Variants in MTURN observed in about 807,000 individuals in gnomAD.
The protein encoded by MTURN is maturin, neural progenitor differentiation regulator homolog, also known as maturin.
A neutral mutation model predicts 14.9 loss-of-function variants in MTURN; 7 were observed. The ratio of observed to expected loss-of-function variants is 0.47; its 90% CI spans 0.27 to 0.88. The LOEUF (loss-of-function observed/expected upper bound fraction) is 0.88, where lower values mean the gene tolerates loss of function less well. Among genes scored for constraint, MTURN ranks in the 40% least tolerant of loss-of-function variants. The pLI is 0.14. For missense variants in MTURN, 151 were observed against 174.1 expected (o/e 0.87, Z 0.75); for synonymous variants, 69 against 72.5 (o/e 0.95, Z 0.25).
chr7:30,148,713 C>G (rs1797163522), intron 2 of MTURN, among the ~76,000 whole-genome samples: 1 of 146,208 alleles, frequency 6.8e-6, no homozygotes, highest in Non-Finnish European at 1.5e-5. Context: ...CCCTGAGTTT[C>G]TTGCCCAAGC....
rs2128035583 is a variant in MTURN at position 30,161,678 on chromosome 7, T to G, written c.*4130T>G. On this transcript the variant is annotated 3_prime_UTR_variant, in exon 3 of 3. Coordinates refer to ENST00000324453, the MANE Select transcript of MTURN (RefSeq NM_152793.3). ...TTCAAGGTTGTAGAAAGAGCACAATTAATGCTTAAGCGATCACAGACCCCT... is the reference window on the plus strand; with the variant it reads ...TTCAAGGTTGTAGAAAGAGCACAATGAATGCTTAAGCGATCACAGACCCCT... The G allele has an allele frequency of 6.6e-6, 1 of 152,316 alleles. No homozygotes were observed. The highest frequency in any genetic ancestry group is 6.5e-5 in the Admixed American group (1 of 15,300). 9.4% of individuals were successfully genotyped at this position (152,316 alleles called of 1,614,324 possible). A position where few individuals can be genotyped will look rare whatever the true frequency, so the allele number is the denominator to read the frequency against.
Position 30,135,126 on chromosome 7 carries a change from G to A in MTURN, c.-11G>A. ...GGGCGGGCGGCGGCGGGAGGCGGGC[G>A]CGGGGCCGCGATGGATTTCCAGCAG... On this transcript the variant is annotated 5_prime_UTR_variant, in exon 1 of 3. Coordinates refer to ENST00000324453, the MANE Select transcript of MTURN (RefSeq NM_152793.3). The A allele has an allele frequency of 7.0e-7, 1 of 1,432,206 alleles. No homozygotes were observed. 88.7% of individuals were successfully genotyped at this position (1,432,206 alleles called of 1,614,324 possible).
intron 1 of MTURN, among the ~76,000 whole-genome samples, chr7:30,136,017 C>G (rs1448875867): frequency 0.048 from 2 of 42 alleles, no homozygotes; most frequent in African/African-American, 0.083. Context: ...CGCGCACACT[C>G]ACGCGCACAC....
chr7:30,150,723 C>T (rs1293584975), intron 2 of MTURN, among the ~76,000 whole-genome samples: 7 of 152,184 alleles, frequency 4.6e-5, no homozygotes, highest in African/African-American at 1.7e-4. Flanking sequence ...CGGACCTAGA[C>T]GTGCTCAGAG....
chr7:30,157,406 AC>A, intron 2 of MTURN, 31 bp from the exon 3 acceptor site: 1 of 1,529,258 alleles, frequency 6.5e-7, no homozygotes, highest in Non-Finnish European at 8.8e-7. Context: ...TTTGGCGCTC[AC>A]AGCTGCTTTT....
chr7:30,156,475 G>A (rs1797289273), intron 2 of MTURN, among the ~76,000 whole-genome samples: 1 of 151,520 alleles, frequency 6.6e-6, no homozygotes, highest in African/African-American at 2.4e-5. Flanking sequence ...GACCAGCTTG[G>A]GCAACATACT....
In MTURN at chr7:30,162,030, T is replaced by C. The variant is rs1004459764; in HGVS notation, c.*4482T>C. 1 of 151,922 alleles carries C rather than the reference T, an allele frequency of 6.6e-6. No homozygotes were observed. The highest frequency in any genetic ancestry group is 1.5e-5 in the Non-Finnish European group (1 of 67,964). 9.4% of individuals were successfully genotyped at this position (151,922 alleles called of 1,614,324 possible). ...CATAATATGTTGTCTTTTATATTTT[T>C]ATTTAAATCTGGATTACGAAAATAT... On this transcript the variant is annotated 3_prime_UTR_variant, in exon 3 of 3. Transcript: ENST00000324453.
At chr7:30,143,780 G>T (rs2128031191) in intron 1 of MTURN, among the ~76,000 whole-genome samples, 1 of 152,318 alleles carries the variant, frequency 6.6e-6, no homozygotes, top group African/African-American at 2.4e-5. Context: ...TCTTCATGAG[G>T]TTAGAAATGC....
intron 1 of MTURN, among the ~76,000 whole-genome samples, chr7:30,144,361 T>C (rs182792277): frequency 5.3e-5 from 8 of 152,378 alleles, no homozygotes; most frequent in Non-Finnish European, 5.9e-5. Flanking sequence ...GAGCAGAACT[T>C]ACTAAGTAGA....
At chr7:30,152,789 C>T (rs944992637) in intron 2 of MTURN, among the ~76,000 whole-genome samples, 5 of 152,106 alleles carry the variant, frequency 3.3e-5, no homozygotes, top group African/African-American at 1.2e-4. Flanking sequence ...CACTATTATC[C>T]AAAAGACCTG....
chr7:30,136,047 G>A (rs1796953491), intron 1 of MTURN, among the ~76,000 whole-genome samples: 1 of 152,064 alleles, frequency 6.6e-6, no homozygotes, highest in African/African-American at 2.4e-5. Context: ...CTCTCCCCCT[G>A]CCCCCGCGCT....
At position 30,158,503 on chromosome 7, in the gene MTURN, T is replaced by G. The variant is rs1018623193; in HGVS notation, c.*955T>G. 6 of 135,032 alleles carry G rather than the reference T, an allele frequency of 4.4e-5. 1 individual carries two copies. The South Asian group carries it at 6.9e-4, about 16-fold the overall frequency. 8.4% of individuals were successfully genotyped at this position (135,032 alleles called of 1,614,324 possible). On this transcript the variant is annotated 3_prime_UTR_variant, in exon 3 of 3. Coordinates refer to ENST00000324453, the MANE Select transcript of MTURN (RefSeq NM_152793.3). ...ATCCTTCTTTACTTTTTAAGTCTTT[T>G]ATTTAAAAAAAAAAAGTCAAAAAAA...
intron 1 of MTURN, among the ~76,000 whole-genome samples, chr7:30,136,340 C>G (rs1796960769): frequency 6.6e-6 from 1 of 152,126 alleles, no homozygotes; most frequent in Admixed American, 6.5e-5. Context: ...GAGCACGGTG[C>G]TCATGAAGTG....
chr7:30,150,201 G>A (rs921546915), intron 2 of MTURN, among the ~76,000 whole-genome samples: 10 of 152,144 alleles, frequency 6.6e-5, no homozygotes, highest in African/African-American at 2.2e-4. Flanking sequence ...CGTTATCCAC[G>A]GTAGGCACTA....
At chr7:30,144,179 G>T (rs1371015089) in intron 1 of MTURN, among the ~76,000 whole-genome samples, 1 of 152,208 alleles carries the variant, frequency 6.6e-6, no homozygotes, top group African/African-American at 2.4e-5. Flanking sequence ...ATGTCAGCTA[G>T]GCACTGTGCC....
chr7:30,137,753 C>T (rs993782693), intron 1 of MTURN: 1 of 450,722 alleles, frequency 2.2e-6, no homozygotes, highest in Non-Finnish European at 4.6e-6. Flanking sequence ...TTTCTTTTTC[C>T]CTGGAAAATG....
At chr7:30,137,305 C>T (rs569722046) in intron 1 of MTURN, 66 of 226,942 alleles carry the variant, frequency 2.9e-4, no homozygotes, top group African/African-American at 1.5e-3. Flanking sequence ...GAAGCCCACA[C>T]AGCCTTCCTG....
rs374092912 is a variant in MTURN at position 30,157,394 on chromosome 7, C to T, written c.286-44C>T. On this transcript the variant is annotated intron_variant, in intron 2 of 2. Coordinates refer to ENST00000324453, the MANE Select transcript of MTURN (RefSeq NM_152793.3). ...TTTGGTTGTCTTCCTGCCTGTGGGC[C>T]ATTTGGCGCTCACAGCTGCTTTTCT... The T allele has an allele frequency of 3.3e-6, 5 of 1,501,548 alleles. No individual in the cohort carries two copies. The African/African-American group carries it at 4.3e-5, about 13-fold the overall frequency. 93.0% of individuals were successfully genotyped at this position (1,501,548 alleles called of 1,614,324 possible). A position where few individuals can be genotyped will look rare whatever the true frequency, so the allele number is the denominator to read the frequency against.
At chr7:30,147,177 CTGTT>C (rs1172671314) in intron 2 of MTURN, among the ~76,000 whole-genome samples, 1 of 152,154 alleles carries the variant, frequency 6.6e-6, no homozygotes, top group Non-Finnish European at 1.5e-5. Flanking sequence ...TTTTGTAAGT[CTGTT>C]TGGTCTTCTT....
Sources: gnomAD v4.1 joint callset for allele counts (sites outside exome capture counted in the v4.1 genomes callset) on GRCh38, gnomAD v4.1.1 for gene constraint, MANE v1.5 for transcripts, NCBI Gene and HGNC (gene_info 2026-07-23, HGNC 2026-07-21) for gene names.